The following PLPPR4 variants were observed in gnomAD, a reference collection of about 807,000 sequenced individuals.
PLPPR4 encodes phospholipid phosphatase related 4.
In PLPPR4, 24 loss-of-function variants were observed where a neutral mutation model predicts 56.6. The ratio of observed to expected loss-of-function variants is 0.42; its 90% confidence interval spans 0.31 to 0.60. The LOEUF (loss-of-function observed/expected upper bound fraction) is 0.60, where lower values mean the gene tolerates loss of function less well. Among genes scored for constraint, PLPPR4 ranks in the 20% least tolerant of loss-of-function variants. The pLI is 0.13. For missense variants in PLPPR4, 654 were observed against 885.8 expected, an observed-to-expected ratio of 0.74 and a Z score of 3.32; for synonymous variants, 326 against 328.1, an observed-to-expected ratio of 0.99 and a Z score of 0.07.
At position 99,308,836 on chromosome 1, in the gene PLPPR4, TCTC is replaced by T. The variant is rs1225278469; in HGVS notation, c.*1827_*1829del. ...GGAATAAAATGTTGCCTTCCCCACT[TCTC>T]ACCACCACCGCCATCATGACGCTCA... On this transcript the variant is annotated 3_prime_UTR_variant, in exon 7 of 7. Transcript: ENST00000370185. 2 of 152,570 alleles carry T rather than the reference TCTC, an allele frequency of 1.3e-5. No homozygotes were observed. Among genetic ancestry groups the T allele is most frequent in the African/African-American group, 4.8e-5 (2 of 41,432 alleles). 9.5% of individuals were successfully genotyped at this position (152,570 alleles called of 1,614,324 possible).
chr1:99,265,387 T>A (rs1010729320), intron 1 of PLPPR4, among the ~76,000 whole-genome samples: 1 of 152,156 alleles, frequency 6.6e-6, no homozygotes, highest in Admixed American at 6.5e-5. Context: ...AGATAAACAA[T>A]TAAATGCAGA....
intron 2 of PLPPR4, among the ~76,000 whole-genome samples, chr1:99,292,396 A>G (rs896110626): frequency 5.9e-5 from 9 of 152,116 alleles, no homozygotes; most frequent in African/African-American, 2.2e-4. Context: ...TGGCATTAAA[A>G]CTTTCTTTCT....
At chr1:99,297,280 C>T (rs1659767739) in intron 3 of PLPPR4, among the ~76,000 whole-genome samples, 1 of 152,122 alleles carries the variant, frequency 6.6e-6, no homozygotes, top group Non-Finnish European at 1.5e-5. Context: ...TGGAGTGTTT[C>T]CATCCAGAAG....
intron 2 of PLPPR4, among the ~76,000 whole-genome samples, chr1:99,294,695 C>CAA (rs58586815): frequency 2.7e-4 from 17 of 62,864 alleles, no homozygotes; most frequent in East Asian, 1.6e-3. Flanking sequence ...GACTCAGTCT[C>CAA]AAAAAAAAAA....
chr1:99,302,140 A>G (rs1659895924), intron 6 of PLPPR4, among the ~76,000 whole-genome samples: 1 of 152,078 alleles, frequency 6.6e-6, no homozygotes, highest in Non-Finnish European at 1.5e-5. Context: ...TGCCAACCAA[A>G]CAGGAGGTGG....
rs1212425449 is a variant in PLPPR4, at chr1:99,301,796, T to A, written c.721T>A (p.Cys241Ser). 1.2e-6 allele frequency: 2 copies of A among 1,612,614 alleles called. No individual in the cohort carries two copies. Among genetic ancestry groups the A allele is most frequent in the Non-Finnish European group, 1.7e-6 (2 of 1,178,878 alleles). ...KPLLVFTFII[C>S]GIICGLTRIT... is the part of the protein sequence containing the mutation. ...TCTCTTGGTCTTCACATTTATCATCTGTGGAATAATCTGCGGGCTAACACG... is the reference window on the plus strand; with the variant it reads ...TCTCTTGGTCTTCACATTTATCATCAGTGGAATAATCTGCGGGCTAACACG... Residue 241 changes from cysteine (C) to serine (S), a missense_variant, in exon 6 of 7, where the codon TGT (cysteine) becomes AGT (serine). By Grantham distance (112) the Cys-to-Ser change is moderately radical. This residue lies in a region of PLPPR4 where 186 missense variants were observed against 331.4 expected (regional missense o/e 0.56). Coordinates refer to ENST00000370185, the MANE Select transcript of PLPPR4 (RefSeq NM_014839.5).
intron 5 of PLPPR4, among the ~76,000 whole-genome samples, chr1:99,301,241 T>C (rs917848809): frequency 4.6e-5 from 7 of 151,944 alleles, no homozygotes; most frequent in Non-Finnish European, 8.8e-5. Flanking sequence ...TTGTGAATTA[T>C]AGGAATGTTA....
intron 1 of PLPPR4, among the ~76,000 whole-genome samples, chr1:99,265,717 TA>T (rs1216616508): frequency 6.6e-6 from 1 of 152,222 alleles, no homozygotes; most frequent in East Asian, 1.9e-4. Context: ...TATGGAGGTT[TA>T]GCCCTTCGAA....
In PLPPR4 at chr1:99,283,997, T is replaced by G. The variant is rs533646135; in HGVS notation, c.79-3968T>G. ...AAAAAAAGCTTGGTTCACACTTTTTTGGGGGCTGTATCATGACTAGAGAAT... is the reference window on the plus strand; with the variant it reads ...AAAAAAAGCTTGGTTCACACTTTTTGGGGGGCTGTATCATGACTAGAGAAT... On this transcript the variant is annotated intron_variant, in intron 1 of 6. Transcript: ENST00000370185. Among the ~76,000 whole-genome samples, 259 of 152,234 alleles carry G rather than the reference T, an allele frequency of 1.7e-3. 1 individual carries two copies. The highest frequency in any genetic ancestry group is 2.5e-3 in the Non-Finnish European group (172 of 67,998).
chr1:99,274,159 A>T (rs184401624), intron 1 of PLPPR4, among the ~76,000 whole-genome samples: 54 of 149,908 alleles, frequency 3.6e-4, no homozygotes, highest in Middle Eastern at 6.8e-3. Context: ...TATTAGATAT[A>T]TTTTTTTTTT....
At chr1:99,281,888 C>T (rs931494069) in intron 1 of PLPPR4, among the ~76,000 whole-genome samples, 1 of 152,072 alleles carries the variant, frequency 6.6e-6, no homozygotes, top group African/African-American at 2.4e-5. Context: ...ATAGCTCTTG[C>T]ATATGTTTGG....
intron 6 of PLPPR4, among the ~76,000 whole-genome samples, chr1:99,303,707 T>A (rs1412961293): frequency 1.3e-5 from 2 of 152,200 alleles, no homozygotes; most frequent in South Asian, 4.1e-4. Context: ...TATAATTTTA[T>A]AAGTTTTTTT....
chr1:99,288,077 A>G lies in PLPPR4; in HGVS notation c.191A>G (p.Tyr64Cys). ...SCYDRSLSMPYIEPTQEAIPF... is the reference protein window; with the variant it reads ...SCYDRSLSMPCIEPTQEAIPF... ...TATGACCGGAGTCTTAGCATGCCGTACATTGAACCAACCCAGGAGGCAATT... is the reference window on the plus strand; with the variant it reads ...TATGACCGGAGTCTTAGCATGCCGTGCATTGAACCAACCCAGGAGGCAATT... Residue 64 changes from tyrosine to cysteine, a missense_variant, in exon 2 of 7, where the codon TAC becomes TGC. Physicochemically the swap from Tyr to Cys is radical, Grantham distance 194. Transcript: ENST00000370185. The G allele has an allele frequency of 6.2e-7, 1 of 1,613,960 alleles. No homozygotes were observed. The highest frequency in any genetic ancestry group is 8.5e-7 in the Non-Finnish European group (1 of 1,179,896).
intron 1 of PLPPR4, among the ~76,000 whole-genome samples, chr1:99,273,698 G>C (rs570963580): frequency 1.2e-4 from 19 of 152,064 alleles, no homozygotes; most frequent in African/African-American, 4.6e-4. Context: ...GTGACTTTTG[G>C]TAAAAGTAAT....
intron 1 of PLPPR4, among the ~76,000 whole-genome samples, chr1:99,269,503 A>T (rs2100782748): frequency 6.6e-6 from 1 of 152,374 alleles, no homozygotes; most frequent in Middle Eastern, 3.4e-3. Flanking sequence ...AAAGAATTAC[A>T]GTGGTCCCTC....
chr1:99,304,003 C>T (rs554448111), intron 6 of PLPPR4, among the ~76,000 whole-genome samples: 1 of 152,242 alleles, frequency 6.6e-6, no homozygotes, highest in South Asian at 2.1e-4. Context: ...GGTTATGAAT[C>T]CAAATTTTCC....
At chr1:99,265,155 C>G (rs1023368785) in intron 1 of PLPPR4, among the ~76,000 whole-genome samples, 3 of 131,346 alleles carry the variant, frequency 2.3e-5, no homozygotes, top group Non-Finnish European at 3.3e-5. Flanking sequence ...CCCCCCCCCC[C>G]CAAATCCTTC....
chr1:99,290,469 G>C lies in PLPPR4; in HGVS notation c.264+2319G>C, dbSNP rs1372946986. Among the ~76,000 whole-genome samples the C allele has an allele frequency of 2.0e-5, 3 of 151,336 alleles. No individual in the cohort carries two copies. The East Asian group carries it at 5.9e-4, about 30-fold the overall frequency. ...TCAAAATTCATATGGAACCAAAAAA[G>C]ACCCCAAAGAGCCAAGGTAATCCTA... On this transcript the variant is annotated intron_variant, in intron 2 of 6. Transcript: ENST00000370185.
rs767986208 is a variant in PLPPR4, at chr1:99,306,443, A to G, written c.1581A>G (p.Arg527=). ...VACNRSNSQP[R]IMQVIAMSKQ... ...GTAACAGAAGCAACAGCCAGCCCCG[A>G]ATCATGCAAGTCATAGCCATGTCCA... Residue 527 remains arginine (R), a synonymous_variant, in exon 7 of 7, where the codon CGA becomes CGG. Transcript: ENST00000370185. The surrounding 1 kb of genome is among the most constrained non-coding windows in gnomAD (Gnocchi z 4.0). The G allele has an allele frequency of 6.2e-7, 1 of 1,614,178 alleles. No homozygotes were observed. The highest frequency in any genetic ancestry group is 2.2e-5 in the East Asian group (1 of 44,864).
Sources: gnomAD v4.1 joint callset for allele counts (sites outside exome capture counted in the v4.1 genomes callset) on GRCh38, gnomAD v4.1.1 for gene constraint, gnomAD v4.1.1 regional missense constraint, Gnocchi (gnomAD v3.1) non-coding constraint, MANE v1.5 for transcripts, NCBI Gene and HGNC (gene_info 2026-07-23, HGNC 2026-07-21) for gene names.